Variants in RNF128 observed in about 807,000 individuals in gnomAD.
RNF128 encodes E3 ubiquitin-protein ligase RNF128.
Under a neutral mutation model 26.2 loss-of-function variants are expected in RNF128, and 13 were observed. The observed-to-expected ratio is 0.50, with a 90% confidence interval of 0.32 to 0.79. The LOEUF is 0.79. Among genes scored for constraint, RNF128 ranks in the 30% least tolerant of loss-of-function variants. The pLI is 0.03. For synonymous variants in RNF128, 149 were observed against 142.5 expected (o/e 1.05, Z -0.32); for missense variants, 315 against 349.7 (o/e 0.90, Z 0.79).
At chrX:106,694,219 A>G in exon 1 of RNF128, 2 of 1,210,492 alleles carry the variant, frequency 1.7e-6, no homozygotes, top group East Asian at 5.9e-5. Flanking sequence ...CCCTAAGAAC[A>G]ATAACTACCA....
In RNF128 at chrX:106,795,474, G is replaced by A. The variant is rs981395941; in HGVS notation, c.1154-106G>A. On this transcript the variant is annotated intron_variant, in intron 6 of 6. Coordinates refer to ENST00000255499, the MANE Select transcript of RNF128 (RefSeq NM_194463.2). The stretch of plus-strand genomic sequence containing the variant: ...ACAGGGAATGAATATGGTAATCAGT[G>A]TATGTTGAAATTAAATAAGAAAGAC... The A allele has an allele frequency of 1.3e-5, 9 of 693,754 alleles. No individual in the cohort carries two copies. The African/African-American group carries it at 1.5e-4, about 12-fold the overall frequency. The allele number at this position is 693,754 out of a possible 1,213,427, so 57.2% of individuals were successfully genotyped here.
chrX:106,698,210 G>A (rs375900070), intron 1 of RNF128, among the ~76,000 whole-genome samples: 1 of 107,587 alleles, frequency 9.3e-6, no homozygotes, highest in Non-Finnish European at 1.9e-5. Context: ...AGTTAAATAT[G>A]TTATTTTTAG....
intron 1 of RNF128, among the ~76,000 whole-genome samples, chrX:106,763,070 G>C (rs1046767476): frequency 3.7e-5 from 4 of 108,432 alleles, no homozygotes; most frequent in African/African-American, 1.0e-4. Context: ...TGAGTAATTA[G>C]GAGCCACTAA....
intron 1 of RNF128, among the ~76,000 whole-genome samples, chrX:106,757,677 A>G (rs970507232): frequency 9.7e-6 from 1 of 103,003 alleles, no homozygotes; most frequent in Non-Finnish European, 2.0e-5. Context: ...CGGCACATGT[A>G]TACATATGTA....
chrX:106,788,723 TTAAA>T (rs1446234306), intron 4 of RNF128, among the ~76,000 whole-genome samples: 1 of 69,661 alleles, frequency 1.4e-5, no homozygotes, highest in Non-Finnish European at 2.4e-5. Context: ...ATAGTATATT[TTAAA>T]TATAGTATAT....
chrX:106,789,606 A>T (rs1242652810), intron 4 of RNF128, among the ~76,000 whole-genome samples: 24 of 103,704 alleles, frequency 2.3e-4, no homozygotes, highest in Non-Finnish European at 3.9e-5. Context: ...AAATATAAGG[A>T]CAGTACTGGA....
upstream of RNF128, among the ~76,000 whole-genome samples, chrX:106,726,114 T>C (rs1163357814): frequency 2.7e-5 from 3 of 112,103 alleles, no homozygotes. Flanking sequence ...GGACTAAAAT[T>C]AGTTTTAGAA....
chrX:106,707,343 T>G (rs1005995756), intron 1 of RNF128, among the ~76,000 whole-genome samples: 1 of 111,018 alleles, frequency 9.0e-6, no homozygotes, highest in Non-Finnish European at 1.9e-5. Context: ...TATGCCAAAA[T>G]GTGCCTTCCT....
intron 1 of RNF128, among the ~76,000 whole-genome samples, chrX:106,728,212 G>C (rs73638918): frequency 0.016 from 1,753 of 111,305 alleles, 32 homozygotes; most frequent in African/African-American, 0.053. Flanking sequence ...TATGTATATA[G>C]TTATCCTAGA....
At position 106,787,994 on chromosome X, in the gene RNF128, C is replaced by G. The variant is rs753702369; in HGVS notation, c.881C>G (p.Thr294Arg). 9.8e-6 allele frequency: 11 copies of G among 1,125,163 alleles called. No individual in the cohort carries two copies. In the African/African-American group the frequency reaches 1.9e-4, roughly 19 times the overall value. 92.7% of individuals were successfully genotyped at this position (1,125,163 alleles called of 1,213,427 possible). Residue 294 changes from threonine (T) to arginine (R), a missense_variant, in exon 4 of 7, where the codon ACG (threonine) becomes AGG (arginine). Transcript: ENST00000255499. ...CCAAATGATTTGGTACGCATCTTAA[C>G]GTGCAAGTAAGTTTGATTTTCTTCT... is the stretch of plus-strand genomic sequence containing the variant. ...YKPNDLVRILTCNHIFHKTCV... is the reference protein window; with the variant it reads ...YKPNDLVRILRCNHIFHKTCV...
intron 2 of RNF128, among the ~76,000 whole-genome samples, chrX:106,782,854 T>G (rs1305350339): frequency 1.8e-5 from 2 of 111,784 alleles, no homozygotes; most frequent in Non-Finnish European, 3.8e-5. Flanking sequence ...TTCTTCCTCT[T>G]TGAGCATCAG....
intron 6 of RNF128, among the ~76,000 whole-genome samples, chrX:106,795,112 T>C (rs1233913063): frequency 8.9e-6 from 1 of 111,869 alleles, no homozygotes; most frequent in East Asian, 2.8e-4. Flanking sequence ...ATAATACAAT[T>C]AAGTTCATTT....
chrX:106,694,301 G>A, exon 1 of RNF128: 1 of 1,210,228 alleles, frequency 8.3e-7, no homozygotes, highest in Admixed American at 2.2e-5. Flanking sequence ...AGAGGTAATT[G>A]TACATTTTCA....
intron 1 of RNF128, among the ~76,000 whole-genome samples, chrX:106,711,893 C>A (rs1170243511): frequency 9.0e-6 from 1 of 111,553 alleles, no homozygotes; most frequent in Non-Finnish European, 1.9e-5. Flanking sequence ...AAAAATCAAT[C>A]TAATTGATTA....
At chrX:106,758,026 A>G (rs1930055283) in intron 1 of RNF128, among the ~76,000 whole-genome samples, 1 of 112,564 alleles carries the variant, frequency 8.9e-6, no homozygotes, top group Admixed American at 9.4e-5. Flanking sequence ...ATGATCTTAT[A>G]GTTTGAAAAA....
intron 1 of RNF128, among the ~76,000 whole-genome samples, chrX:106,754,213 A>G (rs995553353): frequency 1.1e-4 from 12 of 110,399 alleles, no homozygotes; most frequent in Non-Finnish European, 2.3e-4. Flanking sequence ...TAAAACAAAT[A>G]ATTTTTTTCT....
Position 106,786,264 on chromosome X carries a change from C to A in RNF128, c.804+1128C>A, listed in dbSNP as rs201232941. ...ACAGAAGAGAGAGTACAGAAATAAA[C>A]CCATATATATATGGTCAGTTGATTT... On this transcript the variant is annotated intron_variant, in intron 3 of 6. Transcript: ENST00000255499. Among the ~76,000 whole-genome samples, 7 of 111,565 alleles carry A rather than the reference C, an allele frequency of 6.3e-5. No homozygotes were observed. The East Asian group carries it at 2.0e-3, about 31-fold the overall frequency.
chrX:106,765,845 T>C (rs1930216261), intron 1 of RNF128, among the ~76,000 whole-genome samples: 1 of 110,344 alleles, frequency 9.1e-6, no homozygotes, highest in Non-Finnish European at 1.9e-5. Context: ...ATATTAGGTT[T>C]ATCTCCTAAT....
At chrX:106,723,073 G>A (rs190160594), upstream of RNF128, among the ~76,000 whole-genome samples, 37 of 110,860 alleles carry the variant, frequency 3.3e-4, no homozygotes, top group Non-Finnish European at 5.1e-4. Context: ...CCATTCATTC[G>A]CTCCATTGAC....
Sources: gnomAD v4.1 joint callset for allele counts (sites outside exome capture counted in the v4.1 genomes callset) on GRCh38, gnomAD v4.1.1 for gene constraint, MANE v1.5 for transcripts, NCBI Gene and HGNC (gene_info 2026-07-23, HGNC 2026-07-21) for gene names.